The following CD1B variants were observed in gnomAD, a reference collection of about 807,000 sequenced individuals.
CD1B encodes T-cell surface glycoprotein CD1b.
Under a neutral mutation model 39.8 loss-of-function variants are expected in CD1B, and 43 were observed. The ratio of observed to expected loss-of-function variants is 1.08; its 90% confidence interval spans 0.85 to 1.39. The LOEUF (loss-of-function observed/expected upper bound fraction) is 1.39, where lower values mean the gene tolerates loss of function less well. Ranked by LOEUF, CD1B falls within the 40% of genes most tolerant of loss-of-function variation. The pLI, the probability that CD1B is intolerant of heterozygous loss-of-function variation, is 0.00. For missense variants in CD1B, 495 were observed against 403.8 expected (o/e 1.23, Z -1.94); for synonymous variants, 192 against 152.5 (o/e 1.26, Z -1.91).
chr1:158,317,113 C>T, the CD1B span, among the ~76,000 whole-genome samples: 30 of 152,126 alleles, frequency 2.0e-4, no homozygotes, highest in Admixed American at 5.9e-4. Flanking sequence ...ATTGATTGGT[C>T]TAAAATTCTC....
downstream of CD1B, among the ~76,000 whole-genome samples, chr1:158,325,732 T>C (rs956427152): frequency 6.6e-6 from 1 of 152,096 alleles, no homozygotes; most frequent in Non-Finnish European, 1.5e-5. Flanking sequence ...TTTATTGTGG[T>C]AAAATACACA....
At chr1:158,331,190 A>G in intron 1 of CD1B, 128 bp from the exon 2 acceptor site, 1 of 1,148,174 alleles carries the variant, frequency 8.7e-7, no homozygotes, top group Non-Finnish European at 1.3e-6. Flanking sequence ...AGTCTGACAC[A>G]TTTGACTGCC....
the CD1B span, among the ~76,000 whole-genome samples, chr1:158,318,703 A>G: frequency 6.6e-6 from 1 of 152,090 alleles, no homozygotes; most frequent in African/African-American, 2.4e-5. Flanking sequence ...TGATCCTGTC[A>G]TTATGATGTT....
At chr1:158,321,404 C>A in the CD1B span, among the ~76,000 whole-genome samples, 1 of 151,964 alleles carries the variant, frequency 6.6e-6, no homozygotes, top group Non-Finnish European at 1.5e-5. Context: ...TGTTCTTCTG[C>A]GTAAAGTGAG....
the CD1B span, among the ~76,000 whole-genome samples, chr1:158,322,567 G>A: frequency 6.6e-6 from 1 of 151,958 alleles, no homozygotes; most frequent in Non-Finnish European, 1.5e-5. Context: ...ACCATGCCTG[G>A]CCTGTATACT....
At chr1:158,306,623 A>G in the CD1B span, among the ~76,000 whole-genome samples, 2 of 152,352 alleles carry the variant, frequency 1.3e-5, no homozygotes, top group Admixed American at 1.3e-4. Flanking sequence ...TCAACAGAAT[A>G]GACATTCTTC....
chr1:158,292,583 C>T, the CD1B span: 2 of 1,608,564 alleles, frequency 1.2e-6, no homozygotes, highest in Admixed American at 1.7e-5. Context: ...AACACTTTTT[C>T]TGCTCTCTGC....
chr1:158,326,790 A>G (rs1286392979), downstream of CD1B, among the ~76,000 whole-genome samples: 3 of 151,280 alleles, frequency 2.0e-5, no homozygotes, highest in Non-Finnish European at 4.4e-5. Context: ...ATATAAAATT[A>G]TTATTATTAT....
chr1:158,312,895 G>A, the CD1B span, among the ~76,000 whole-genome samples: 2 of 152,128 alleles, frequency 1.3e-5, no homozygotes, highest in African/African-American at 4.8e-5. Flanking sequence ...TTGACTAGAA[G>A]TAGTGAAAGT....
the CD1B span, among the ~76,000 whole-genome samples, chr1:158,314,054 T>C: frequency 6.6e-6 from 1 of 152,302 alleles, no homozygotes; most frequent in African/African-American, 2.4e-5. Flanking sequence ...TCCTCTTTTT[T>C]TCTTAATTTG....
chr1:158,319,240 A>G, the CD1B span, among the ~76,000 whole-genome samples: 1 of 151,418 alleles, frequency 6.6e-6, no homozygotes, highest in East Asian at 1.9e-4. Flanking sequence ...GTTCTCCTGG[A>G]TAATATCCTG....
the CD1B span, among the ~76,000 whole-genome samples, chr1:158,305,848 G>A: frequency 1.3e-5 from 2 of 152,174 alleles, no homozygotes; most frequent in Non-Finnish European, 2.9e-5. Context: ...ATAAGTGAAG[G>A]AGAAATAAAA....
chr1:158,309,095 T>C, the CD1B span, among the ~76,000 whole-genome samples: 14 of 152,296 alleles, frequency 9.2e-5, 1 homozygote, highest in South Asian at 2.3e-3. Flanking sequence ...GACAAAGGGC[T>C]AATATCCAGA....
chr1:158,310,295 T>C, the CD1B span, among the ~76,000 whole-genome samples: 4 of 152,288 alleles, frequency 2.6e-5, no homozygotes, highest in East Asian at 7.7e-4. Flanking sequence ...TACATCTTCC[T>C]TTCACCACAT....
the CD1B span, among the ~76,000 whole-genome samples, chr1:158,306,237 C>T: frequency 2.0e-5 from 3 of 151,974 alleles, no homozygotes; most frequent in Non-Finnish European, 4.4e-5. Context: ...GGAGGAAGAC[C>T]TAATAAGCAA....
the CD1B span, among the ~76,000 whole-genome samples, chr1:158,320,025 A>T: frequency 5.0e-3 from 760 of 152,324 alleles, 3 homozygotes; most frequent in Non-Finnish European, 8.1e-3. Context: ...CCGTTCTCAG[A>T]TCTCCAGCTG....
the CD1B span, among the ~76,000 whole-genome samples, chr1:158,302,970 G>A: frequency 6.6e-6 from 1 of 151,962 alleles, no homozygotes; most frequent in Non-Finnish European, 1.5e-5. Context: ...ACCTGGTAGA[G>A]ACACAATAAA....
At chr1:158,316,861 G>T in the CD1B span, among the ~76,000 whole-genome samples, 1 of 151,962 alleles carries the variant, frequency 6.6e-6, no homozygotes, top group Admixed American at 6.6e-5. Context: ...AGAGTTTTGA[G>T]CATGAAGGGT....
chr1:158,309,588 C>A, the CD1B span, among the ~76,000 whole-genome samples: 2 of 152,116 alleles, frequency 1.3e-5, no homozygotes, highest in East Asian at 3.9e-4. Context: ...ACCCAAATGT[C>A]TAACAATGAT....
Sources: gnomAD v4.1 joint callset for allele counts (sites outside exome capture counted in the v4.1 genomes callset) on GRCh38, gnomAD v4.1.1 for gene constraint, MANE v1.5 for transcripts, NCBI Gene and HGNC (gene_info 2026-07-23, HGNC 2026-07-21) for gene names.